CFAP44: variants seen among roughly 807,000 people sequenced by gnomAD.
CFAP44 encodes cilia and flagella associated protein 44, also known as cilia- and flagella-associated protein 44.
A neutral mutation model predicts 216.2 loss-of-function variants in CFAP44; 134 were observed. That is an observed-to-expected ratio of 0.62 (90% CI 0.54 to 0.72). The LOEUF is 0.72. Ranked by LOEUF, CFAP44 falls within the 30% of genes least tolerant of loss-of-function variation. The pLI, the probability that CFAP44 is intolerant of heterozygous loss-of-function variation, is 0.00. For missense variants in CFAP44, 2,035 were observed against 2,182.1 expected, an observed-to-expected ratio of 0.93 and a Z score of 1.34; for synonymous variants, 700 against 727.6, an observed-to-expected ratio of 0.96 and a Z score of 0.61.
chr3:113,355,114 T>C (rs1406393116), intron 22 of CFAP44, among the ~76,000 whole-genome samples: 1 of 152,032 alleles, frequency 6.6e-6, no homozygotes. Flanking sequence ...ACACATTGGG[T>C]ACAGAGTACA....
intron 15 of CFAP44, among the ~76,000 whole-genome samples, chr3:113,390,071 C>T (rs2107347695): frequency 6.6e-6 from 1 of 152,264 alleles, no homozygotes; most frequent in African/African-American, 2.4e-5. Flanking sequence ...GCCACTATCA[C>T]AGATGAATAT....
Position 113,291,582 on chromosome 3 carries a change from T to C in CFAP44, c.5540A>G (p.Lys1847Arg). Residue 1847 changes from lysine to arginine, a missense_variant, in exon 35 of 35, where the codon AAA becomes AGA. Around this residue, in one of 3 missense-constraint regions of CFAP44, gnomAD observed 1,883 missense variants for 2,023.7 expected, o/e 0.93. Coordinates refer to ENST00000393845, the MANE Select transcript of CFAP44 (RefSeq NM_001164496.2). Reference protein sequence around the residue: ...ILPPIQSPREKEIQPADL With the variant: ...ILPPIQSPREREIQPADL The stretch of plus-strand genomic sequence containing the variant: ...TCAAAGGTCTGCGGGCTGTATCTCT[T>C]TCTCTCGTGGAGACTGAATGGGTGG... 2.0e-6 allele frequency: 3 copies of C among 1,537,218 alleles called. No homozygotes were observed. Among genetic ancestry groups the C allele is most frequent in the Non-Finnish European group, 2.6e-6 (3 of 1,146,888 alleles).
intron 31 of CFAP44, 45 bp downstream of exon 31, chr3:113,304,991 T>C: frequency 2.7e-6 from 4 of 1,503,022 alleles, no homozygotes; most frequent in Non-Finnish European, 3.6e-6. Flanking sequence ...TTGGGTGTGA[T>C]GACTCTTCTC....
chr3:113,322,473 A>C (rs190620811), intron 28 of CFAP44, among the ~76,000 whole-genome samples: 82 of 152,382 alleles, frequency 5.4e-4, no homozygotes, highest in Admixed American at 1.0e-3. Context: ...AGCAGGCAAC[A>C]AACATGAAAA....
intron 12 of CFAP44, among the ~76,000 whole-genome samples, chr3:113,400,337 C>T (rs970484149): frequency 2.6e-5 from 4 of 152,074 alleles, no homozygotes; most frequent in African/African-American, 9.7e-5. Flanking sequence ...GAGCAATTTA[C>T]AGATTTTGTC....
intron 29 of CFAP44, among the ~76,000 whole-genome samples, 165 bp from the exon 30 acceptor site, chr3:113,306,496 G>C (rs986234291): frequency 3.3e-5 from 5 of 152,140 alleles, no homozygotes; most frequent in Non-Finnish European, 2.9e-5. Flanking sequence ...GAAATTATTA[G>C]TATTACTAAT....
At chr3:113,386,064 A>G (rs1933642533) in intron 15 of CFAP44, among the ~76,000 whole-genome samples, 1 of 152,050 alleles carries the variant, frequency 6.6e-6, no homozygotes, top group African/African-American at 2.4e-5. Context: ...TGTTTGCTTT[A>G]TATATTTAGG....
intron 7 of CFAP44, 25 bp from the exon 8 acceptor site, chr3:113,407,066 G>T: frequency 1.3e-6 from 2 of 1,512,742 alleles, no homozygotes; most frequent in African/African-American, 1.4e-5. Flanking sequence ...GAGACTGAAT[G>T]TACCTCAAAG....
intron 24 of CFAP44, among the ~76,000 whole-genome samples, chr3:113,335,600 T>C (rs1950275587): frequency 6.6e-6 from 1 of 152,196 alleles, no homozygotes; most frequent in South Asian, 2.1e-4. Context: ...AGTTTACACA[T>C]AGCTGGGAAT....
intron 15 of CFAP44, among the ~76,000 whole-genome samples, chr3:113,386,607 A>G (rs75576367): frequency 0.092 from 13,996 of 152,226 alleles, 835 homozygotes; most frequent in African/African-American, 0.16. Context: ...GGTTAGAGGC[A>G]GGGACAAGGC....
chr3:113,430,358 G>C (rs112055805), intron 2 of CFAP44, among the ~76,000 whole-genome samples: 1,730 of 144,512 alleles, frequency 0.012, 35 homozygotes, highest in African/African-American at 0.042. Context: ...CAATACATAT[G>C]TAAGAAAAGA....
At chr3:113,307,360 T>C (rs1207614231) in intron 29 of CFAP44, among the ~76,000 whole-genome samples, 1 of 152,220 alleles carries the variant, frequency 6.6e-6, no homozygotes, top group Non-Finnish European at 1.5e-5. Flanking sequence ...TTGTCACTCA[T>C]AAATGGCTGC....
intron 6 of CFAP44, among the ~76,000 whole-genome samples, chr3:113,411,748 A>C (rs1370712689): frequency 3.3e-5 from 5 of 152,172 alleles, no homozygotes; most frequent in African/African-American, 4.8e-5. Flanking sequence ...GGCCATGTTC[A>C]TGATATTGAT....
chr3:113,341,064 G>A (rs1269402019), intron 24 of CFAP44, among the ~76,000 whole-genome samples: 2 of 152,178 alleles, frequency 1.3e-5, no homozygotes, highest in Admixed American at 1.3e-4. Flanking sequence ...CCAGTTACTT[G>A]TGTCTTCTTC....
intron 22 of CFAP44, among the ~76,000 whole-genome samples, chr3:113,349,105 T>C (rs1293767723): frequency 6.6e-6 from 1 of 152,156 alleles, no homozygotes; most frequent in Admixed American, 6.5e-5. Flanking sequence ...TGACCTGTGT[T>C]CTAGAAGGAC....
chr3:113,374,573 C>G (rs76108154), intron 17 of CFAP44, among the ~76,000 whole-genome samples: 4 of 151,926 alleles, frequency 2.6e-5, no homozygotes, highest in Non-Finnish European at 5.9e-5. Flanking sequence ...ATTTGAACAC[C>G]CACCTCATTC....
chr3:113,378,697 A>C (rs1047212996), intron 17 of CFAP44, among the ~76,000 whole-genome samples: 3 of 152,178 alleles, frequency 2.0e-5, no homozygotes, highest in Non-Finnish European at 4.4e-5. Context: ...AAAATGTATA[A>C]TTGGAGGATA....
intron 16 of CFAP44, 139 bp downstream of exon 16, chr3:113,380,760 T>C: frequency 3.0e-6 from 2 of 667,254 alleles, no homozygotes; most frequent in Non-Finnish European, 4.4e-6. Context: ...ATAGCTGCTT[T>C]CCTACCAGAT....
At position 113,394,188 on chromosome 3, in the gene CFAP44, T is replaced by A. The variant is rs151059898; in HGVS notation, c.1890+1562A>T. ...CATTGACATTAGTATAGAATGTGTGTACAGCTCTACAGCATTTTTTCATAT... is the reference window on the plus strand; with the variant it reads ...CATTGACATTAGTATAGAATGTGTGAACAGCTCTACAGCATTTTTTCATAT... On this transcript the variant is annotated intron_variant, in intron 15 of 34. Coordinates refer to ENST00000393845, the MANE Select transcript of CFAP44 (RefSeq NM_001164496.2). 2.1e-3 allele frequency among the ~76,000 whole-genome samples: 316 copies of A among 152,290 alleles called. 2 individuals are homozygous for A. The highest frequency in any genetic ancestry group is 7.4e-3 in the African/African-American group (306 of 41,534).
Sources: allele counts gnomAD v4.1 joint callset (sites outside exome capture counted in the v4.1 genomes callset), GRCh38; gene constraint gnomAD v4.1.1; regional missense constraint gnomAD v4.1.1; transcripts MANE v1.5; gene names NCBI Gene and HGNC (gene_info 2026-07-23, HGNC 2026-07-21).